Variants in MDGA2 observed in about 807,000 individuals in gnomAD.
MDGA2 encodes the protein MAM domain containing glycosylphosphatidylinositol anchor 2, also known as MAM domain-containing glycosylphosphatidylinositol anchor protein 2.
Under a neutral mutation model 117.8 loss-of-function variants are expected in MDGA2, and 40 were observed. The observed-to-expected ratio is 0.34, with a 90% CI of 0.26 to 0.44. The LOEUF (loss-of-function observed/expected upper bound fraction) is 0.44, where lower values mean the gene tolerates loss of function less well. Ranked by LOEUF, MDGA2 falls within the 20% of genes least tolerant of loss-of-function variation. The pLI, the probability that MDGA2 is intolerant of heterozygous loss-of-function variation, is 1.00. For synonymous variants in MDGA2, 452 were observed against 439.0 expected, an observed-to-expected ratio of 1.03 and a Z score of -0.37; for missense variants, 1,123 against 1,250.6, an observed-to-expected ratio of 0.90 and a Z score of 1.54.
At chr14:47,237,820 T>A (rs935358775) in intron 2 of MDGA2, among the ~76,000 whole-genome samples, 1 of 152,070 alleles carries the variant, frequency 6.6e-6, no homozygotes, top group Non-Finnish European at 1.5e-5. Flanking sequence ...GTCACCATCA[T>A]CTCTCCCTAG....
At chr14:47,541,886 G>C (rs1054756532) in intron 1 of MDGA2, among the ~76,000 whole-genome samples, 19 of 152,124 alleles carry the variant, frequency 1.2e-4, no homozygotes, top group Non-Finnish European at 2.2e-4. Flanking sequence ...GCTTTATAGG[G>C]AGAATCACAC....
At chr14:47,611,025 G>T (rs1223100359) in intron 1 of MDGA2, among the ~76,000 whole-genome samples, 4 of 151,994 alleles carry the variant, frequency 2.6e-5, no homozygotes, top group African/African-American at 9.7e-5. Flanking sequence ...TAGGCCAATG[G>T]AACAGAATAG....
intron 1 of MDGA2, among the ~76,000 whole-genome samples, chr14:47,407,452 T>C (rs1435137338): frequency 1.3e-5 from 2 of 152,192 alleles, no homozygotes; most frequent in Admixed American, 6.5e-5. Context: ...TTCATATATT[T>C]TGCCTTTATT....
intron 1 of MDGA2, among the ~76,000 whole-genome samples, chr14:47,418,651 T>A (rs1278652024): frequency 6.6e-6 from 1 of 152,104 alleles, no homozygotes; most frequent in Admixed American, 6.6e-5. Context: ...CATATAAATT[T>A]TGGGGGGACT....
intron 6 of MDGA2, among the ~76,000 whole-genome samples, chr14:47,093,775 C>A (rs758605346): frequency 3.6e-4 from 54 of 152,002 alleles, no homozygotes; most frequent in Non-Finnish European, 5.7e-4. Flanking sequence ...TGAAATGTTT[C>A]TTGAATTTTA....
At chr14:47,366,963 A>G (rs1449604441) in intron 1 of MDGA2, among the ~76,000 whole-genome samples, 5 of 151,374 alleles carry the variant, frequency 3.3e-5, no homozygotes, top group Admixed American at 1.3e-4. Context: ...GTGAAAATAA[A>G]AAGTAATGAG....
intron 1 of MDGA2, among the ~76,000 whole-genome samples, chr14:47,414,137 ACT>A (rs1281772110): frequency 2.0e-5 from 3 of 151,904 alleles, no homozygotes; most frequent in Non-Finnish European, 4.4e-5. Context: ...CAGTGGAAAA[ACT>A]CTGCTGTGAA....
At chr14:47,431,959 T>C (rs907260630) in intron 1 of MDGA2, among the ~76,000 whole-genome samples, 2 of 152,088 alleles carry the variant, frequency 1.3e-5, no homozygotes, top group Non-Finnish European at 2.9e-5. Flanking sequence ...TGAAGCATTA[T>C]TACTTGAAGG....
chr14:47,375,904 T>C (rs921780250), intron 1 of MDGA2, among the ~76,000 whole-genome samples: 3 of 152,116 alleles, frequency 2.0e-5, no homozygotes, highest in African/African-American at 7.2e-5. Context: ...CCACAGTGGG[T>C]AATCTATTAC....
intron 2 of MDGA2, among the ~76,000 whole-genome samples, chr14:47,245,953 C>T (rs1321629019): frequency 3.3e-5 from 5 of 151,544 alleles, no homozygotes; most frequent in Non-Finnish European, 7.4e-5. Flanking sequence ...TTTTTGCAGA[C>T]GAAGAAATTG....
At chr14:47,323,301 T>C (rs1178303333) in intron 1 of MDGA2, among the ~76,000 whole-genome samples, 1 of 151,538 alleles carries the variant, frequency 6.6e-6, no homozygotes, top group Non-Finnish European at 1.5e-5. Flanking sequence ...GATTAGTAGA[T>C]GTGATGAAAT....
chr14:46,986,022 T>G (rs1205224428), intron 8 of MDGA2, among the ~76,000 whole-genome samples: 1 of 152,060 alleles, frequency 6.6e-6, no homozygotes, highest in African/African-American at 2.4e-5. Context: ...ATAAGGAGTG[T>G]TATCTTTGCC....
chr14:47,459,812 G>A (rs1893445704), intron 1 of MDGA2, among the ~76,000 whole-genome samples: 1 of 152,070 alleles, frequency 6.6e-6, no homozygotes, highest in African/African-American at 2.4e-5. Context: ...TATGTGTTAT[G>A]GTAGCTGCTT....
intron 1 of MDGA2, among the ~76,000 whole-genome samples, chr14:47,600,604 T>C (rs1474738376): frequency 2.8e-4 from 42 of 152,030 alleles, no homozygotes; most frequent in Admixed American, 2.8e-3. Flanking sequence ...TTCTATGCTG[T>C]TGAGATAAAA....
At position 47,661,818 on chromosome 14, in the gene MDGA2, C is replaced by G. The variant is rs551682197; in HGVS notation, c.280+12699G>C. 2.9e-4 allele frequency among the ~76,000 whole-genome samples: 41 copies of G among 141,360 alleles called. 1 individual carries two copies. The South Asian group carries it at 9.9e-3, about 34-fold the overall frequency. 92.7% of individuals were successfully genotyped at this position (141,360 alleles called of 152,430 possible). ...CCAGGATGGAGTGCAGTGGTGCAACCTCTGCCTCTCAGGTTCAAGGGATTC... is the reference window on the plus strand; with the variant it reads ...CCAGGATGGAGTGCAGTGGTGCAACGTCTGCCTCTCAGGTTCAAGGGATTC... On this transcript the variant is annotated intron_variant, in intron 1 of 16. Coordinates refer to ENST00000399232, the MANE Select transcript of MDGA2 (RefSeq NM_001113498.3).
intron 5 of MDGA2, among the ~76,000 whole-genome samples, chr14:47,119,518 C>T (rs1881540691): frequency 6.6e-6 from 1 of 152,108 alleles, no homozygotes; most frequent in African/African-American, 2.4e-5. Flanking sequence ...AATATAATGT[C>T]TTTGTACAGT....
At chr14:46,904,729 AAGAAGT>A (rs1341082892) in intron 10 of MDGA2, among the ~76,000 whole-genome samples, 4 of 152,210 alleles carry the variant, frequency 2.6e-5, no homozygotes, top group African/African-American at 9.6e-5. Context: ...TTTACATTTA[AAGAAGT>A]AGAAGTCCAT....
Position 47,625,310 on chromosome 14 carries a change from CA to C in MDGA2, c.280+49206del, listed in dbSNP as rs34504236. Among the ~76,000 whole-genome samples the C allele has an allele frequency of 4.4e-4, 65 of 146,260 alleles. 2 individuals are homozygous for C. Among genetic ancestry groups the C allele is most frequent in the South Asian group, 3.2e-3 (15 of 4,660 alleles). Reference sequence around the variant, plus strand: ...ATCCTAAACAATGTTTATGCAAAAACAAAAAAAAAAGTATGTCATTTAACTT... The same window carrying C: ...ATCCTAAACAATGTTTATGCAAAAACAAAAAAAAAGTATGTCATTTAACTT... On this transcript the variant is annotated intron_variant, in intron 1 of 16. Transcript: ENST00000399232.
At chr14:47,436,408 G>T (rs1892899438) in intron 1 of MDGA2, among the ~76,000 whole-genome samples, 1 of 152,050 alleles carries the variant, frequency 6.6e-6, no homozygotes, top group South Asian at 2.1e-4. Context: ...CAGATAAGCA[G>T]AACAAATGGC....
Sources: allele counts gnomAD v4.1 joint callset (sites outside exome capture counted in the v4.1 genomes callset), GRCh38; gene constraint gnomAD v4.1.1; transcripts MANE v1.5; gene names NCBI Gene and HGNC (gene_info 2026-07-23, HGNC 2026-07-21).